MYRIP: variants seen among roughly 807,000 people sequenced by gnomAD.
MYRIP encodes the protein rab effector MyRIP.
Under a neutral mutation model 98.0 loss-of-function variants are expected in MYRIP, and 49 were observed. The ratio of observed to expected loss-of-function variants is 0.50; its 90% CI spans 0.40 to 0.63. The LOEUF is 0.63. Among genes scored for constraint, MYRIP ranks in the 30% least tolerant of loss-of-function variants. The pLI is 0.00. For missense variants in MYRIP, 1,004 were observed against 1,058.2 expected, an observed-to-expected ratio of 0.95 and a Z score of 0.71; for synonymous variants, 404 against 409.5, an observed-to-expected ratio of 0.99 and a Z score of 0.16.
intron 1 of MYRIP, among the ~76,000 whole-genome samples, chr3:39,850,683 GA>G (rs1446495913): frequency 6.6e-6 from 1 of 152,206 alleles, no homozygotes; most frequent in East Asian, 1.9e-4. Context: ...CTAAGTTAGT[GA>G]AGTTTTAATG....
intron 3 of MYRIP, among the ~76,000 whole-genome samples, chr3:40,055,272 T>C (rs1442223835): frequency 6.6e-6 from 1 of 152,162 alleles, no homozygotes. Context: ...GAAAATATAA[T>C]AAGCTGCAGT....
At chr3:39,887,220 G>A (rs1389260500) in intron 1 of MYRIP, among the ~76,000 whole-genome samples, 4 of 151,878 alleles carry the variant, frequency 2.6e-5, no homozygotes, top group African/African-American at 9.7e-5. Flanking sequence ...AGCACTAAAT[G>A]CCCACAAGAG....
intron 1 of MYRIP, among the ~76,000 whole-genome samples, chr3:39,816,892 A>G (rs1219592310): frequency 6.6e-6 from 1 of 152,128 alleles, no homozygotes; most frequent in Non-Finnish European, 1.5e-5. Flanking sequence ...TCATTTTCTG[A>G]ATCTCACTAG....
At chr3:40,181,899 G>A (rs918468458) in intron 8 of MYRIP, among the ~76,000 whole-genome samples, 3 of 152,098 alleles carry the variant, frequency 2.0e-5, no homozygotes, top group Non-Finnish European at 2.9e-5. Flanking sequence ...TTGCATGCCC[G>A]AGAGCAACTC....
chr3:39,836,118 A>G (rs1941612468), intron 1 of MYRIP, among the ~76,000 whole-genome samples: 1 of 152,176 alleles, frequency 6.6e-6, no homozygotes, highest in Non-Finnish European at 1.5e-5. Flanking sequence ...CAGTAATGAC[A>G]TGGCTGGGTC....
chr3:39,969,427 T>C (rs1252745994), intron 2 of MYRIP, among the ~76,000 whole-genome samples: 1 of 151,724 alleles, frequency 6.6e-6, no homozygotes, highest in African/African-American at 2.4e-5. Context: ...TTTCCAGCTT[T>C]TGCCCATTCA....
Position 40,006,244 on chromosome 3 carries a change from CT to C in MYRIP, c.111-37804del, listed in dbSNP as rs1175475825. 2.0e-5 allele frequency among the ~76,000 whole-genome samples: 3 copies of C among 152,282 alleles called. No homozygotes were observed. The East Asian group carries it at 5.8e-4, about 29-fold the overall frequency. On this transcript the variant is annotated intron_variant, in intron 2 of 16. Coordinates refer to ENST00000302541, the MANE Select transcript of MYRIP (RefSeq NM_015460.4). ...CAAATTTCATTCAGGAAAGGTCCTT[CT>C]TGCCGTAGTTTAGAGAAGGAAAATA...
Position 40,162,737 on chromosome 3 carries a change from C to T in MYRIP, c.477C>T (p.Ser159=). The T allele has an allele frequency of 6.2e-7, 1 of 1,613,984 alleles. No homozygotes were observed. Among genetic ancestry groups the T allele is most frequent in the South Asian group, 1.1e-5 (1 of 91,036 alleles). The change falls in exon 5 of 17, where the codon AGC becomes AGT. Residue 159 remains serine, a synonymous_variant. Transcript: ENST00000302541. ...CCACCCCTACCCTGCCAGGAGGAAGCCTTTTTGAGTCAAACCTGGAGAATG... is the reference window on the plus strand; with the variant it reads ...CCACCCCTACCCTGCCAGGAGGAAGTCTTTTTGAGTCAAACCTGGAGAATG... The part of the protein sequence containing the change: ...SGACFDILGG[S]LFESNLENEG...
At chr3:40,158,344 C>T (rs1224955683) in intron 4 of MYRIP, among the ~76,000 whole-genome samples, 21 of 152,102 alleles carry the variant, frequency 1.4e-4, no homozygotes, top group Admixed American at 2.6e-4. Context: ...AGTTTGATTG[C>T]GCTGTGGTCT....
intron 10 of MYRIP, among the ~76,000 whole-genome samples, chr3:40,208,708 TCTCAA>T (rs1293396675): frequency 6.6e-6 from 1 of 152,226 alleles, no homozygotes; most frequent in Non-Finnish European, 1.5e-5. Flanking sequence ...TAACTTTGAA[TCTCAA>T]CTCAGAGTCC....
At chr3:40,085,708 C>T (rs185462088) in intron 3 of MYRIP, among the ~76,000 whole-genome samples, 90 of 151,982 alleles carry the variant, frequency 5.9e-4, no homozygotes, top group Middle Eastern at 6.8e-3. Flanking sequence ...AGGAAAGAAT[C>T]GAAAAAGCTT....
At chr3:39,934,387 T>C (rs757556902) in intron 2 of MYRIP, among the ~76,000 whole-genome samples, 5 of 152,100 alleles carry the variant, frequency 3.3e-5, no homozygotes, top group African/African-American at 9.7e-5. Context: ...ACTTGAGATA[T>C]GGGCTTCAGA....
intron 2 of MYRIP, among the ~76,000 whole-genome samples, chr3:40,005,547 A>G (rs1351264998): frequency 6.6e-6 from 1 of 152,268 alleles, no homozygotes; most frequent in African/African-American, 2.4e-5. Context: ...TACAGATGAA[A>G]GTATTGAAAC....
At chr3:40,108,383 G>A (rs938669670) in intron 3 of MYRIP, among the ~76,000 whole-genome samples, 7 of 149,940 alleles carry the variant, frequency 4.7e-5, no homozygotes, top group African/African-American at 1.8e-4. Context: ...TTGCAGAGAA[G>A]AGATGCCAGC....
chr3:39,873,518 A>C (rs1044832772), intron 1 of MYRIP, among the ~76,000 whole-genome samples: 1 of 152,182 alleles, frequency 6.6e-6, no homozygotes, highest in African/African-American at 2.4e-5. Flanking sequence ...TTTTGGTATA[A>C]GGTGTAAGGA....
At position 39,927,526 on chromosome 3, in the gene MYRIP, C is replaced by G. The variant is rs1944443625; in HGVS notation, c.110+26600C>G. ...ATTGAAACTCTGATCAGAGCAATAT[C>G]AAGTTCCAAAATTGAATCAATCATA... On this transcript the variant is annotated intron_variant, in intron 2 of 16. Coordinates refer to ENST00000302541, the MANE Select transcript of MYRIP (RefSeq NM_015460.4). 2.6e-5 allele frequency among the ~76,000 whole-genome samples: 4 copies of G among 152,032 alleles called. No individual in the cohort carries two copies. In the South Asian group the frequency reaches 8.3e-4, roughly 32 times the overall value.
At chr3:39,927,240 T>C (rs935372708) in intron 2 of MYRIP, among the ~76,000 whole-genome samples, 8 of 152,034 alleles carry the variant, frequency 5.3e-5, no homozygotes, top group African/African-American at 1.9e-4. Context: ...TATTTTAGGA[T>C]TTTTTTAGGT....
intron 3 of MYRIP, among the ~76,000 whole-genome samples, chr3:40,105,326 TATTAGTCC>T (rs1486160678): frequency 6.6e-6 from 1 of 152,252 alleles, no homozygotes; most frequent in Non-Finnish European, 1.5e-5. Context: ...CTACATACTG[TATTAGTCC>T]ATTCTTGCAT....
chr3:39,952,644 C>T (rs1405524233), intron 2 of MYRIP, among the ~76,000 whole-genome samples: 1 of 152,168 alleles, frequency 6.6e-6, no homozygotes, highest in Non-Finnish European at 1.5e-5. Context: ...CAGGCTAATA[C>T]CGCCTCATAG....
Sources: allele counts gnomAD v4.1 joint callset (sites outside exome capture counted in the v4.1 genomes callset), GRCh38; gene constraint gnomAD v4.1.1; transcripts MANE v1.5; gene names NCBI Gene and HGNC (gene_info 2026-07-23, HGNC 2026-07-21).